VPS13A: variants seen among roughly 807,000 people sequenced by gnomAD.
The protein encoded by VPS13A is intermembrane lipid transfer protein VPS13A.
In VPS13A, 264 loss-of-function variants were observed where a neutral mutation model predicts 390.9. The ratio of observed to expected loss-of-function variants is 0.68; its 90% confidence interval spans 0.61 to 0.75. VPS13A has a LOEUF of 0.75. Among genes scored for constraint, VPS13A ranks in the 30% least tolerant of loss-of-function variants. The pLI is 0.00. For missense variants in VPS13A, 3,409 were observed against 3,733.9 expected (o/e 0.91, Z 2.27); for synonymous variants, 1,231 against 1,227.1 (o/e 1.00, Z -0.07).
At chr9:77,339,481 TA>T (rs1830699341) in intron 47 of VPS13A, 34 bp from the exon 48 acceptor site, 3 of 1,501,856 alleles carry the variant, frequency 2.0e-6, no homozygotes, top group African/African-American at 1.4e-5. Context: ...TGCAACATTT[TA>T]AATTTTGTTT....
chr9:77,359,489 G>C (rs1254983282), intron 58 of VPS13A, 87 bp downstream of exon 58: 1 of 1,163,848 alleles, frequency 8.6e-7, no homozygotes, highest in Non-Finnish European at 1.2e-6. Flanking sequence ...TGTTGGACAA[G>C]TCAAAGATTT....
chr9:77,312,887 T>C (rs559305997), intron 35 of VPS13A, among the ~76,000 whole-genome samples: 4 of 152,306 alleles, frequency 2.6e-5, no homozygotes, highest in Admixed American at 2.0e-4. Context: ...AAAGTTAATA[T>C]GTACCTACCT....
chr9:77,293,956 T>TGTA (rs1368380650), intron 32 of VPS13A, among the ~76,000 whole-genome samples: 1 of 152,122 alleles, frequency 6.6e-6, no homozygotes. Flanking sequence ...CAGGCTGGAG[T>TGTA]GTAGTGGCAT....
intron 70 of VPS13A, among the ~76,000 whole-genome samples, 156 bp downstream of exon 70, chr9:77,406,143 G>GAAA: frequency 7.2e-6 from 1 of 139,690 alleles, no homozygotes; most frequent in Non-Finnish European, 1.6e-5. Flanking sequence ...AGGCTTAAAG[G>GAAA]AAAAAAAAAA....
At chr9:77,278,733 C>T (rs1283645486) in intron 26 of VPS13A, among the ~76,000 whole-genome samples, 3 of 152,156 alleles carry the variant, frequency 2.0e-5, no homozygotes, top group Non-Finnish European at 4.4e-5. Context: ...GTCCTTTCTT[C>T]CAGTCTTTAG....
intron 68 of VPS13A, chr9:77,385,146 T>C: frequency 1.0e-6 from 1 of 957,514 alleles, no homozygotes; most frequent in Non-Finnish European, 1.2e-6. Flanking sequence ...TTTAAAGATA[T>C]TTTTGTCAAA....
intron 4 of VPS13A, among the ~76,000 whole-genome samples, chr9:77,205,619 T>C (rs1024633870): frequency 6.6e-6 from 1 of 151,836 alleles, no homozygotes; most frequent in Non-Finnish European, 1.5e-5. Context: ...TAAGATGGAG[T>C]CTCGCACTGT....
At chr9:77,372,466 G>A (rs1012753777) in intron 67 of VPS13A, among the ~76,000 whole-genome samples, 2 of 151,932 alleles carry the variant, frequency 1.3e-5, no homozygotes, top group African/African-American at 4.8e-5. Context: ...AATAAATTAG[G>A]TATTGATGGG....
At chr9:77,277,661 GA>G (rs1826766690) in intron 26 of VPS13A, among the ~76,000 whole-genome samples, 1 of 152,124 alleles carries the variant, frequency 6.6e-6, no homozygotes, top group African/African-American at 2.4e-5. Flanking sequence ...CACATAATTG[GA>G]ATCATATATA....
intron 31 of VPS13A, among the ~76,000 whole-genome samples, chr9:77,290,628 C>G (rs1194886605): frequency 1.3e-5 from 2 of 152,018 alleles, no homozygotes; most frequent in African/African-American, 4.8e-5. Flanking sequence ...AGTTTTTTCC[C>G]CATTGTTTTC....
intron 17 of VPS13A, among the ~76,000 whole-genome samples, chr9:77,231,817 G>T (rs1348281418): frequency 6.6e-6 from 1 of 152,016 alleles, no homozygotes; most frequent in Non-Finnish European, 1.5e-5. Flanking sequence ...ATCTCAGAAG[G>T]TTCACCTAAG....
chr9:77,238,236 G>A, intron 18 of VPS13A, 36 bp from the exon 19 acceptor site: 1 of 1,608,422 alleles, frequency 6.2e-7, no homozygotes, highest in Non-Finnish European at 8.5e-7. Context: ...AATTTAGTTT[G>A]CTTTGAGTTT....
At chr9:77,295,478 C>A in intron 32 of VPS13A, 64 bp from the exon 33 acceptor site, 1 of 1,313,030 alleles carries the variant, frequency 7.6e-7, no homozygotes, top group Non-Finnish European at 1.0e-6. Context: ...CCATAAATAT[C>A]AATATATATT....
At chr9:77,385,760 A>G (rs372676973) in intron 68 of VPS13A, among the ~76,000 whole-genome samples, 7 of 152,116 alleles carry the variant, frequency 4.6e-5, no homozygotes, top group African/African-American at 1.4e-4. Flanking sequence ...GCAGAAGCTC[A>G]GTATAAGCAA....
intron 68 of VPS13A, among the ~76,000 whole-genome samples, chr9:77,400,167 T>C (rs1000487721): frequency 2.6e-5 from 4 of 151,832 alleles, no homozygotes; most frequent in African/African-American, 9.7e-5. Context: ...GTTTAATTGA[T>C]TTGCATTTTC....
chr9:77,327,390 C>T (rs946140023), intron 45 of VPS13A, among the ~76,000 whole-genome samples: 2 of 151,984 alleles, frequency 1.3e-5, no homozygotes, highest in African/African-American at 4.8e-5. Context: ...CTTACAGGTA[C>T]TATGTGTAGA....
At chr9:77,188,062 TC>T (rs1376099377) in intron 1 of VPS13A, among the ~76,000 whole-genome samples, 1 of 152,146 alleles carries the variant, frequency 6.6e-6, no homozygotes, top group Non-Finnish European at 1.5e-5. Flanking sequence ...TTGCAATAGT[TC>T]TTGCAAGATC....
At position 77,418,465 on chromosome 9, in the gene VPS13A, G is replaced by T. The variant is rs1835239832; in HGVS notation, c.*2459G>T. The T allele has an allele frequency of 6.6e-6, 1 of 152,182 alleles. No individual in the cohort carries two copies. Among genetic ancestry groups the T allele is most frequent in the Non-Finnish European group, 1.5e-5 (1 of 68,026 alleles). The allele number at this position is 152,182 out of a possible 1,614,324, so 9.4% of individuals were successfully genotyped here. A position where few individuals can be genotyped will look rare whatever the true frequency, so the allele number is the denominator to read the frequency against. On this transcript the variant is annotated 3_prime_UTR_variant, in exon 72 of 72. Coordinates refer to ENST00000360280, the MANE Select transcript of VPS13A (RefSeq NM_033305.3). ...TGGTACTTGTGATCAAAAGCAGCTT[G>T]TGATTTCTTCACATTTGCAAAATAC...
intron 19 of VPS13A, among the ~76,000 whole-genome samples, chr9:77,244,715 A>C (rs1824705332): frequency 6.6e-6 from 1 of 152,040 alleles, no homozygotes; most frequent in African/African-American, 2.4e-5. Flanking sequence ...CATTTAAGCA[A>C]CTCAGATCTA....
Sources: gnomAD v4.1 joint callset for allele counts (sites outside exome capture counted in the v4.1 genomes callset) on GRCh38, gnomAD v4.1.1 for gene constraint, MANE v1.5 for transcripts, NCBI Gene and HGNC (gene_info 2026-07-23, HGNC 2026-07-21) for gene names.